F8: variants seen among roughly 807,000 people sequenced by gnomAD.
F8 encodes the protein antihemophilic factor.
F8 carries 12 observed loss-of-function variants against 140.6 expected under a neutral mutation model. That is an observed-to-expected ratio of 0.09 (90% CI 0.05 to 0.14). F8 has a LOEUF of 0.14. F8 is among the 10% of genes least tolerant of loss of function. The pLI is 1.00. For missense variants in F8, 1,354 were observed against 1,720.7 expected (o/e 0.79, Z 3.77); for synonymous variants, 585 against 614.6 (o/e 0.95, Z 0.71).
intron 6 of F8, among the ~76,000 whole-genome samples, chrX:154,976,470 T>A (rs1238995762): frequency 1.8e-5 from 2 of 110,545 alleles, no homozygotes; most frequent in Non-Finnish European, 3.8e-5. Context: ...CATGTGCACA[T>A]TGTGCAGGTT....
chrX:154,957,696 G>T (rs1388420744), intron 10 of F8, among the ~76,000 whole-genome samples: 1 of 109,994 alleles, frequency 9.1e-6, no homozygotes, highest in Non-Finnish European at 1.9e-5. Flanking sequence ...GACCAGCCTG[G>T]TCAACATGGT....
At chrX:154,861,590 T>C (rs1389277816) in intron 24 of F8, 128 bp downstream of exon 24, 2 of 862,112 alleles carry the variant, frequency 2.3e-6, no homozygotes, top group African/African-American at 3.9e-5. Flanking sequence ...ATAACCAAAC[T>C]TCCTTGACAC....
At position 154,984,761 on chromosome X, in the gene F8, T is replaced by A. The variant is rs1557284055; in HGVS notation, c.713A>T (p.Asp238Val). The A allele has an allele frequency of 5.0e-6, 6 of 1,211,473 alleles. No homozygotes were observed. The highest frequency in any genetic ancestry group is 2.3e-4 in the Middle Eastern group (1 of 4,354). Residue 238 changes from aspartate (D) to valine (V), a missense_variant, in exon 6 of 26, where the codon GAT becomes GTT. This residue lies in a region of F8 where 128 missense variants were observed against 230.4 expected (regional missense o/e 0.56). Coordinates refer to ENST00000360256, the MANE Select transcript of F8 (RefSeq NM_000132.4). Reference protein sequence around the residue: ...HSETKNSLMQDRDAASARAWP... With the variant: ...HSETKNSLMQVRDAASARAWP... Reference sequence around the variant, plus strand: ...GGCCCGAGCAGATGCAGCATCCCTATCCTGCATCAAGGAGTTCTTTGTTTC... The same window carrying A: ...GGCCCGAGCAGATGCAGCATCCCTAACCTGCATCAAGGAGTTCTTTGTTTC...
intron 22 of F8, among the ~76,000 whole-genome samples, chrX:154,868,853 T>G (rs1246187921): frequency 1.0e-4 from 11 of 110,014 alleles, no homozygotes; most frequent in Non-Finnish European, 1.9e-4. Flanking sequence ...TGGAGGAATA[T>G]TTACCAAGCA....
At chrX:154,896,608 C>T (rs782181655) in intron 21 of F8, among the ~76,000 whole-genome samples, 2 of 111,090 alleles carry the variant, frequency 1.8e-5, no homozygotes, top group Non-Finnish European at 3.8e-5. Context: ...TAATGCTTTG[C>T]CCACACCTCA....
intron 25 of F8, among the ~76,000 whole-genome samples, chrX:154,844,485 T>A (rs1557271547): frequency 2.7e-5 from 3 of 110,932 alleles, no homozygotes; most frequent in African/African-American, 9.9e-5. Flanking sequence ...GGTTTGTAGT[T>A]CTCCTTGAAG....
intron 25 of F8, among the ~76,000 whole-genome samples, chrX:154,843,023 A>C (rs930950656): frequency 5.4e-5 from 6 of 110,902 alleles, no homozygotes; most frequent in African/African-American, 2.0e-4. Flanking sequence ...TTCAATTCCC[A>C]CCTACGAGTG....
At position 154,943,842 on chromosome X, in the gene F8, C is replaced by T. The variant is rs782455249; in HGVS notation, c.2113+3856G>A. 2.1e-4 allele frequency among the ~76,000 whole-genome samples: 23 copies of T among 111,306 alleles called. No homozygotes were observed. The Admixed American group carries it at 2.2e-3, about 11-fold the overall frequency. ...AGAGATATAGACCAATGGAACAGAA[C>T]AGAGCCCTCAGAAATAACGCCACGC... On this transcript the variant is annotated intron_variant, in intron 13 of 25. Transcript: ENST00000360256.
intron 6 of F8, among the ~76,000 whole-genome samples, chrX:154,973,750 T>C (rs2073470626): frequency 8.9e-6 from 1 of 112,207 alleles, no homozygotes; most frequent in African/African-American, 3.2e-5. Context: ...GGCAGTTTTC[T>C]ATATATAAGA....
rs186951887 is a variant in F8, at chrX:154,991,635, G to A, written c.601+1301C>T. ...TGTCATATGTAAACACTAATGTTTT[G>A]ATGATCTCATTGTTCCATTAGCCTT... On this transcript the variant is annotated intron_variant, in intron 4 of 25. Transcript: ENST00000360256. Among the ~76,000 whole-genome samples the A allele has an allele frequency of 8.4e-4, 94 of 111,670 alleles. No homozygotes were observed. In the Middle Eastern group the frequency reaches 0.018, roughly 22 times the overall value.
At chrX:154,857,490 G>A (rs2072658771) in intron 25 of F8, among the ~76,000 whole-genome samples, 1 of 111,770 alleles carries the variant, frequency 8.9e-6, no homozygotes, top group African/African-American at 3.3e-5. Flanking sequence ...TCTTGGGCCT[G>A]GTTTACAGAC....
intron 25 of F8, among the ~76,000 whole-genome samples, chrX:154,843,393 T>G (rs1557271463): frequency 8.9e-6 from 1 of 112,139 alleles, no homozygotes; most frequent in Non-Finnish European, 1.9e-5. Flanking sequence ...ATTGTTGAAC[T>G]AGTTTACAGT....
intron 25 of F8, among the ~76,000 whole-genome samples, chrX:154,843,758 G>C: frequency 8.9e-6 from 1 of 111,992 alleles, no homozygotes. Context: ...CACTGGGATG[G>C]TAGTTTCTTT....
chrX:154,936,739 C>A (rs1415644567), intron 13 of F8, among the ~76,000 whole-genome samples: 1 of 111,763 alleles, frequency 8.9e-6, no homozygotes, highest in Non-Finnish European at 1.9e-5. Flanking sequence ...ACATAATAGG[C>A]AAATATATGA....
intron 6 of F8, among the ~76,000 whole-genome samples, chrX:154,971,270 T>C (rs2073455074): frequency 8.9e-6 from 1 of 112,152 alleles, no homozygotes; most frequent in East Asian, 2.8e-4. Context: ...CATTCTTTTG[T>C]ATGCGTCCTG....
rs782471646 is a variant in F8, at chrX:154,896,237, C to A, written c.6274-5G>T. On this transcript the variant is annotated splice_polypyrimidine_tract_variant and splice_region_variant and intron_variant, in intron 21 of 25. Coordinates refer to ENST00000360256, the MANE Select transcript of F8 (RefSeq NM_000132.4). ...CATTGGTGCCAACAGATCCACCTACCAATTAAAATAACACTTTATTTTAAC... is the reference window on the plus strand; with the variant it reads ...CATTGGTGCCAACAGATCCACCTACAAATTAAAATAACACTTTATTTTAAC... The A allele has an allele frequency of 8.3e-6, 10 of 1,206,416 alleles. No individual in the cohort carries two copies. The highest frequency in any genetic ancestry group is 3.5e-5 in the African/African-American group (2 of 56,938).
At chrX:154,952,826 G>T (rs2073344878) in intron 12 of F8, among the ~76,000 whole-genome samples, 1 of 112,223 alleles carries the variant, frequency 8.9e-6, no homozygotes, top group Non-Finnish European at 1.9e-5. Context: ...ACAGGCGTGA[G>T]CCACTGTGCC....
chrX:154,984,066 C>T (rs2073544079), intron 6 of F8, among the ~76,000 whole-genome samples: 1 of 111,254 alleles, frequency 9.0e-6, no homozygotes. Flanking sequence ...GAAGGAGAGT[C>T]ATGGATGTGG....
At chrX:154,969,969 A>G (rs1235291134) in intron 6 of F8, among the ~76,000 whole-genome samples, 3 of 111,178 alleles carry the variant, frequency 2.7e-5, no homozygotes, top group African/African-American at 9.8e-5. Flanking sequence ...ATCTCAAAAA[A>G]CCCACATGTT....
Sources: gnomAD v4.1 joint callset for allele counts (sites outside exome capture counted in the v4.1 genomes callset) on GRCh38, gnomAD v4.1.1 for gene constraint, gnomAD v4.1.1 regional missense constraint, MANE v1.5 for transcripts, NCBI Gene and HGNC (gene_info 2026-07-23, HGNC 2026-07-21) for gene names.